The following GAD1 variants were observed in gnomAD, a reference collection of about 807,000 sequenced individuals.
The protein encoded by GAD1 is glutamate decarboxylase 1.
Under a neutral mutation model 75.2 loss-of-function variants are expected in GAD1, and 35 were observed. That is an observed-to-expected ratio of 0.47 (90% CI 0.36 to 0.62). The LOEUF is 0.62. Among genes scored for constraint, GAD1 ranks in the 20% least tolerant of loss-of-function variants. GAD1 has a pLI of 0.00. For missense variants in GAD1, 490 were observed against 758.5 expected, an observed-to-expected ratio of 0.65 and a Z score of 4.16; for synonymous variants, 257 against 271.9, an observed-to-expected ratio of 0.95 and a Z score of 0.54.
At position 170,844,088 on chromosome 2, in the gene GAD1, A is replaced by C. The variant is rs45566933; in HGVS notation, c.682A>C (p.Ile228Leu). The C allele has an allele frequency of 5.2e-4, 831 of 1,611,270 alleles. 1 individual carries two copies. Among genetic ancestry groups the C allele is most frequent in the Non-Finnish European group, 6.5e-4 (763 of 1,177,430 alleles). Residue 228 changes from isoleucine to leucine, a missense_variant, in exon 7 of 17, where the codon ATA becomes CTA. Coordinates refer to ENST00000358196, the MANE Select transcript of GAD1 (RefSeq NM_000817.3). ...IAPVFVLMEQ[I>L]TLKKMREIVG... ...ACCAGTGTTTGTCCTCATGGAACAAATAACACTTAAGAAGATGAGAGAGAT... is the reference window on the plus strand; with the variant it reads ...ACCAGTGTTTGTCCTCATGGAACAACTAACACTTAAGAAGATGAGAGAGAT...
At chr2:170,819,219 AG>A (rs571897029) in intron 2 of GAD1, among the ~76,000 whole-genome samples, 8 of 152,272 alleles carry the variant, frequency 5.3e-5, no homozygotes, top group African/African-American at 1.9e-4. Context: ...GTTAGGGAGA[AG>A]TCAGGGGCGG....
At chr2:170,825,842 G>A (rs889775694) in intron 3 of GAD1, among the ~76,000 whole-genome samples, 3 of 152,148 alleles carry the variant, frequency 2.0e-5, no homozygotes, top group African/African-American at 7.2e-5. Context: ...TTACCCACAG[G>A]CTTAAACTAG....
chr2:170,852,550 C>T (rs566543886), intron 12 of GAD1, 164 bp from the exon 13 acceptor site: 118 of 684,290 alleles, frequency 1.7e-4, no homozygotes, highest in African/African-American at 1.5e-3. Flanking sequence ...TGTAATACTC[C>T]GAGACTGCCT....
Position 170,832,664 on chromosome 2 carries a change from G to GCACACACACACA in GAD1, c.547+1493_547+1504dup, listed in dbSNP as rs3049892. ...CACAGGCACACATGCGCGCGCGCGC[G>GCACACACACACA]CACACACACACACACACACACACAC... On this transcript the variant is annotated intron_variant, in intron 5 of 16. Coordinates refer to ENST00000358196, the MANE Select transcript of GAD1 (RefSeq NM_000817.3). Among the ~76,000 whole-genome samples, 471 of 78,942 alleles carry GCACACACACACA rather than the reference G, an allele frequency of 6.0e-3. 5 individuals are homozygous for GCACACACACACA. Among genetic ancestry groups the GCACACACACACA allele is most frequent in the African/African-American group, 0.017 (441 of 26,298 alleles). 51.8% of individuals were successfully genotyped at this position (78,942 alleles called of 152,430 possible).
intron 6 of GAD1, among the ~76,000 whole-genome samples, chr2:170,839,827 C>T (rs918603866): frequency 6.6e-6 from 1 of 152,170 alleles, no homozygotes; most frequent in Non-Finnish European, 1.5e-5. Context: ...AACAGCCTGC[C>T]CTCAAACATC....
At chr2:170,852,574 T>C in intron 12 of GAD1, 140 bp from the exon 13 acceptor site, 1 of 734,882 alleles carries the variant, frequency 1.4e-6, no homozygotes, top group Admixed American at 2.0e-5. Context: ...AAACATTTGT[T>C]TGCTACTTGA....
intron 2 of GAD1, among the ~76,000 whole-genome samples, chr2:170,819,832 T>A (rs1701817049): frequency 1.3e-5 from 2 of 152,206 alleles, no homozygotes; most frequent in South Asian, 4.1e-4. Flanking sequence ...AAAATAAGTA[T>A]CCTCATCAAT....
upstream of GAD1, among the ~76,000 whole-genome samples, chr2:170,813,674 C>A (rs764805277): frequency 6.6e-6 from 1 of 152,226 alleles, no homozygotes; most frequent in Non-Finnish European, 1.5e-5. Flanking sequence ...CCTACTCACC[C>A]GTTTTTCCCT....
intron 15 of GAD1, 34 bp from the exon 16 acceptor site, chr2:170,858,770 A>C: frequency 6.3e-7 from 1 of 1,598,254 alleles, no homozygotes; most frequent in Non-Finnish European, 8.6e-7. Flanking sequence ...AAGTTATCCT[A>C]ATTTTCTTTG....
At chr2:170,833,056 G>C (rs1032772843) in intron 5 of GAD1, among the ~76,000 whole-genome samples, 2 of 152,156 alleles carry the variant, frequency 1.3e-5, no homozygotes, top group Non-Finnish European at 2.9e-5. Flanking sequence ...GCCACCACAG[G>C]GGAAGCCCCA....
chr2:170,848,859 G>A (rs1160066501), intron 11 of GAD1: 5 of 506,876 alleles, frequency 9.9e-6, no homozygotes, highest in Non-Finnish European at 2.0e-5. Flanking sequence ...AGCAGGAACT[G>A]CTGCTTTTTG....
intron 6 of GAD1, chr2:170,842,473 T>C: frequency 8.9e-7 from 1 of 1,117,412 alleles, no homozygotes; most frequent in South Asian, 1.2e-5. Flanking sequence ...ACACATTTGT[T>C]CAAGAATGGT....
chr2:170,823,023 A>G (rs1314283521), intron 3 of GAD1, among the ~76,000 whole-genome samples: 2 of 152,252 alleles, frequency 1.3e-5, no homozygotes, highest in East Asian at 3.9e-4. Context: ...GTTCGAAGGG[A>G]CACAGCTGAG....
chr2:170,835,499 A>G (rs1702348918), intron 5 of GAD1, among the ~76,000 whole-genome samples: 4 of 152,268 alleles, frequency 2.6e-5, no homozygotes, highest in Admixed American at 1.3e-4. Flanking sequence ...TCTGATAGAT[A>G]TAAGATTTGG....
At chr2:170,826,121 T>G (rs933668024) in intron 3 of GAD1, among the ~76,000 whole-genome samples, 4 of 152,166 alleles carry the variant, frequency 2.6e-5, no homozygotes, top group Non-Finnish European at 5.9e-5. Flanking sequence ...CAATATATAT[T>G]ATATGTTTAT....
At chr2:170,836,623 T>C (rs1702382845) in intron 5 of GAD1, among the ~76,000 whole-genome samples, 170 bp from the exon 6 acceptor site, 1 of 152,202 alleles carries the variant, frequency 6.6e-6, no homozygotes, top group South Asian at 2.1e-4. Flanking sequence ...TTAATGTTGG[T>C]ATAGGGTGGG....
chr2:170,822,043 C>T lies in GAD1; in HGVS notation c.83-44C>T, dbSNP rs893441452. On this transcript the variant is annotated intron_variant, in intron 2 of 16. Coordinates refer to ENST00000358196, the MANE Select transcript of GAD1 (RefSeq NM_000817.3). ...TGTCCTCCACCCATTTCCCCGCGGT[C>T]GGAACCTCCCTAACCGAACCTCTCT... 3.2e-6 allele frequency: 5 copies of T among 1,542,322 alleles called. No individual in the cohort carries two copies. In the African/African-American group the frequency reaches 6.8e-5, roughly 21 times the overall value.
chr2:170,819,459 A>G (rs1701806149), intron 2 of GAD1, among the ~76,000 whole-genome samples: 1 of 152,132 alleles, frequency 6.6e-6, no homozygotes, highest in East Asian at 1.9e-4. Context: ...AAAGAGAGAA[A>G]GAAAAGAGAC....
At chr2:170,845,484 C>CA in intron 7 of GAD1, 22 bp from the exon 8 acceptor site, 1 of 1,600,380 alleles carries the variant, frequency 6.2e-7, no homozygotes, top group Non-Finnish European at 8.6e-7. Context: ...CAACACCTCC[C>CA]AATATGTCCG....
Sources: gnomAD v4.1 joint callset for allele counts (sites outside exome capture counted in the v4.1 genomes callset) on GRCh38, gnomAD v4.1.1 for gene constraint, MANE v1.5 for transcripts, NCBI Gene and HGNC (gene_info 2026-07-23, HGNC 2026-07-21) for gene names.